The following CTSA variants were observed in gnomAD, a reference collection of about 807,000 sequenced individuals.
The protein encoded by CTSA is cathepsin A, also known as lysosomal protective protein.
Under a neutral mutation model 66.7 loss-of-function variants are expected in CTSA, and 42 were observed. The observed-to-expected ratio is 0.63, with a 90% CI of 0.49 to 0.81. The LOEUF (loss-of-function observed/expected upper bound fraction) is 0.81. Ranked by LOEUF, CTSA falls within the 40% of genes least tolerant of loss-of-function variation. The pLI is 0.00. For synonymous variants in CTSA, 225 were observed against 248.6 expected (o/e 0.91, Z 0.89); for missense variants, 525 against 610.9 (o/e 0.86, Z 1.48).
In CTSA at chr20:45,897,508, A is replaced by C. The variant is rs1430615085; in HGVS notation, c.1165-209A>C. On this transcript the variant is annotated intron_variant, in intron 12 of 14. Transcript: ENST00000646241. The stretch of plus-strand genomic sequence containing the variant: ...TGAGCCTCAGGTTCTCCATCTGTAA[A>C]ATGGGGATAATAATGATATCTACCT... The C allele has an allele frequency of 2.1e-5, 12 of 560,588 alleles. No individual in the cohort carries two copies. The East Asian group carries it at 3.8e-4, about 18-fold the overall frequency. The allele number at this position is 560,588 out of a possible 1,614,324, so 34.7% of individuals were successfully genotyped here. A position where few individuals can be genotyped will look rare whatever the true frequency, so the allele number is the denominator to read the frequency against.
intron 12 of CTSA, 129 bp from the exon 13 acceptor site, chr20:45,897,588 A>G (rs374379633): frequency 4.2e-6 from 3 of 716,526 alleles, no homozygotes; most frequent in African/African-American, 3.5e-5. Flanking sequence ...GTTAGAAAAC[A>G]TGAAAATTCC....
intron 12 of CTSA, chr20:45,897,484 G>T: frequency 1.9e-6 from 1 of 534,730 alleles, no homozygotes; most frequent in Non-Finnish European, 3.4e-6. Context: ...TCTTAAATAT[G>T]AGCCTCAGGT....
chr20:45,894,306 ACC>A, intron 8 of CTSA: 1 of 630,680 alleles, frequency 1.6e-6, no homozygotes, highest in Non-Finnish European at 2.8e-6. Context: ...TTTATCAAAC[ACC>A]TGCAACGTGG....
chr20:45,896,628 G>A (rs1001306470), intron 11 of CTSA: 47 of 330,018 alleles, frequency 1.4e-4, no homozygotes, highest in Non-Finnish European at 8.9e-5. Context: ...TAGTAGAGAC[G>A]GGGTTTCACC....
At chr20:45,896,909 G>T in intron 11 of CTSA, 56 bp from the exon 12 acceptor site, 1 of 1,386,672 alleles carries the variant, frequency 7.2e-7, no homozygotes, top group Middle Eastern at 1.8e-4. Context: ...CTGATCTGTT[G>T]ACTACTTTTC....
chr20:45,895,375 C>T (rs184112714), intron 11 of CTSA: 3 of 509,318 alleles, frequency 5.9e-6, no homozygotes, highest in East Asian at 7.4e-5. Flanking sequence ...GGCTGGAGTG[C>T]AGTGGTGTGA....
Position 45,891,602 on chromosome 20 carries a change from CT to C in CTSA, c.35del (p.Leu12ArgfsTer8). ...IRAAPPPLFLLLLLLLLLVSW... is the reference protein window; with the variant it reads ...IRAAPPPLFLXLLLLLLLVSW... ...AGCCGCGCCGCCGCCGCTGTTCCTG[CT>C]GCTGCTGCTGCTGCTGCTGCTAGTG... On this transcript the variant is annotated frameshift_variant, in exon 2 of 15. Coordinates refer to ENST00000646241, the MANE Select transcript of CTSA (RefSeq NM_000308.4). LOFTEE classifies it high-confidence loss of function. This position sits in a 1 kb window ranked among gnomAD's most constrained non-coding sequence, Gnocchi z 4.6. The C allele has an allele frequency of 1.4e-6, 1 of 723,806 alleles. No homozygotes were observed. Among genetic ancestry groups the C allele is most frequent in the Non-Finnish European group, 1.9e-6 (1 of 527,322 alleles). The allele number at this position is 723,806 out of a possible 1,614,324, so 44.8% of individuals were successfully genotyped here.
Position 45,891,857 on chromosome 20 carries a change from C to T in CTSA, c.195-59C>T. 1 of 1,607,598 alleles carries T rather than the reference C, an allele frequency of 6.2e-7. No individual in the cohort carries two copies. The highest frequency in any genetic ancestry group is 8.5e-7 in the Non-Finnish European group (1 of 1,174,236). ...CAGACCCCTGAGGATGCCTGGGAGC[C>T]GGGAGGGCTGGAAAGGGCCCCTCCA... On this transcript the variant is annotated intron_variant, in intron 2 of 14. Coordinates refer to ENST00000646241, the MANE Select transcript of CTSA (RefSeq NM_000308.4). The surrounding 1 kb of genome is among the most constrained non-coding windows in gnomAD (Gnocchi z 4.6).
Position 45,891,776 on chromosome 20 carries a change from C to T in CTSA, c.194+14C>T. 4 of 1,613,676 alleles carry T rather than the reference C, an allele frequency of 2.5e-6. No homozygotes were observed. The highest frequency in any genetic ancestry group is 3.4e-6 in the Non-Finnish European group (4 of 1,179,846). On this transcript the variant is annotated intron_variant, in intron 2 of 14. Transcript: ENST00000646241. The surrounding 1 kb of genome is among the most constrained non-coding windows in gnomAD (Gnocchi z 4.6). The stretch of plus-strand genomic sequence containing the variant: ...CCTCCACTACTGGTCTGCCGCCCTG[C>T]CTTCTGGGCGGGATTGGGAGAAGAG...
In CTSA at chr20:45,895,051, G is replaced by A. The variant is rs1188523528; in HGVS notation, c.1006G>A (p.Ala336Thr). Residue 336 changes from alanine (A) to threonine (T), a missense_variant, in exon 11 of 15, where the codon GCT becomes ACT. This residue lies in a region of CTSA where 274 missense variants were observed against 321.1 expected (regional missense o/e 0.85). Transcript: ENST00000646241. ...GGACCCCCCCTGCACCAACACAACA[G>A]CTGCTTCCACCTACCTCAACAACCC... ...RMDPPCTNTT[A>T]ASTYLNNPYV... is the part of the protein sequence containing the mutation. 1 of 1,614,146 alleles carries A rather than the reference G, an allele frequency of 6.2e-7. No individual in the cohort carries two copies. The highest frequency in any genetic ancestry group is 1.1e-5 in the South Asian group (1 of 91,088).
In CTSA at chr20:45,891,770, G is replaced by A. The variant is rs760929674; in HGVS notation, c.194+8G>A. On this transcript the variant is annotated splice_region_variant and intron_variant, in intron 2 of 14. Coordinates refer to ENST00000646241, the MANE Select transcript of CTSA (RefSeq NM_000308.4). This position sits in a 1 kb window ranked among gnomAD's most constrained non-coding sequence, Gnocchi z 4.6. Reference sequence around the variant, plus strand: ...CAAGCACCTCCACTACTGGTCTGCCGCCCTGCCTTCTGGGCGGGATTGGGA... The same window carrying A: ...CAAGCACCTCCACTACTGGTCTGCCACCCTGCCTTCTGGGCGGGATTGGGA... 1 of 1,613,738 alleles carries A rather than the reference G, an allele frequency of 6.2e-7. No individual in the cohort carries two copies. Among genetic ancestry groups the A allele is most frequent in the African/African-American group, 1.3e-5 (1 of 74,942 alleles).
chr20:45,897,960 C>A, intron 13 of CTSA, 45 bp from the exon 14 acceptor site: 1 of 1,598,854 alleles, frequency 6.3e-7, no homozygotes, highest in Non-Finnish European at 8.6e-7. Context: ...TAGCTGTGAG[C>A]AAGGATGCAG....
chr20:45,898,692 A>G lies in CTSA; in HGVS notation c.*242A>G. On this transcript the variant is annotated 3_prime_UTR_variant, in exon 15 of 15. Transcript: ENST00000646241. This position sits in a 1 kb window ranked among gnomAD's most constrained non-coding sequence, Gnocchi z 4.6. ...GTGGCCTGGCCCCTTCTCTGCTTAA[A>G]GAATGCCCTTTATGATGCACTGATT... The G allele has an allele frequency of 1.5e-6, 1 of 661,852 alleles. No homozygotes were observed. The highest frequency in any genetic ancestry group is 2.6e-6 in the Non-Finnish European group (1 of 380,302). 41.0% of individuals were successfully genotyped at this position (661,852 alleles called of 1,614,324 possible). A position where few individuals can be genotyped will look rare whatever the true frequency, so the allele number is the denominator to read the frequency against.
At chr20:45,892,638 G>C in intron 5 of CTSA, 87 bp from the exon 6 acceptor site, 1 of 1,565,156 alleles carries the variant, frequency 6.4e-7, no homozygotes, top group South Asian at 1.1e-5. Context: ...CACAAATAGG[G>C]TGGGTTAATG....
At chr20:45,893,108 A>T in intron 6 of CTSA, 112 bp from the exon 7 acceptor site, 1 of 1,068,908 alleles carries the variant, frequency 9.4e-7, no homozygotes, top group Non-Finnish European at 1.4e-6. Flanking sequence ...ACCGGCCTAC[A>T]TAAACCACCC....
chr20:45,894,999 G>A lies in CTSA; in HGVS notation c.954G>A (p.Leu318=), dbSNP rs370041055. ...LPLKRMWHQA[L]LRSGDKVRMD... is the part of the protein sequence containing the mutation. ...CCACTGTCTGTGCCTTCCAGGCACT[G>A]CTGCGCTCAGGGGATAAAGTGCGCA... The change falls in exon 11 of 15, where the codon CTG becomes CTA. Residue 318 remains leucine (L), a synonymous_variant. Coordinates refer to ENST00000646241, the MANE Select transcript of CTSA (RefSeq NM_000308.4). 6.6e-5 allele frequency: 107 copies of A among 1,614,074 alleles called. No individual in the cohort carries two copies. Among genetic ancestry groups the A allele is most frequent in the Non-Finnish European group, 8.8e-5 (104 of 1,180,032 alleles).
intron 8 of CTSA, chr20:45,894,394 C>T (rs1987127726): frequency 1.6e-6 from 1 of 613,976 alleles, no homozygotes; most frequent in African/African-American, 1.8e-5. Context: ...TCATACTACC[C>T]ACATTTTCCA....
chr20:45,894,245 C>T, intron 8 of CTSA, 173 bp downstream of exon 8: 1 of 681,744 alleles, frequency 1.5e-6, no homozygotes, highest in Non-Finnish European at 2.7e-6. Context: ...ACCACCACCT[C>T]CTATGGTGGC....
At position 45,892,893 on chromosome 20, in the gene CTSA, T is replaced by TGG. The variant is rs2145816155; in HGVS notation, c.600+14_600+15insGG. The TGG allele has an allele frequency of 1.2e-6, 2 of 1,613,880 alleles. No homozygotes were observed. Among genetic ancestry groups the TGG allele is most frequent in the Admixed American group, 3.3e-5 (2 of 59,998 alleles). On this transcript the variant is annotated intron_variant, in intron 6 of 14. Coordinates refer to ENST00000646241, the MANE Select transcript of CTSA (RefSeq NM_000308.4). Reference sequence around the variant, plus strand: ...CATGAACCTTCAGGTGCAGGGTAGCTGCAGGAGGGAAGGGAGGTAGCTTGA... The same window carrying TGG: ...CATGAACCTTCAGGTGCAGGGTAGCTGGGCAGGAGGGAAGGGAGGTAGCTTGA...
Sources: allele counts gnomAD v4.1 joint callset, GRCh38; gene constraint gnomAD v4.1.1; regional missense constraint gnomAD v4.1.1; non-coding constraint Gnocchi (gnomAD v3.1); transcripts MANE v1.5; gene names NCBI Gene and HGNC (gene_info 2026-07-23, HGNC 2026-07-21).